The following MBIP variants were observed in gnomAD, a reference collection of about 807,000 sequenced individuals.
The protein encoded by MBIP is MAP3K12-binding inhibitory protein 1.
MBIP carries 32 observed loss-of-function variants against 45.7 expected under a neutral mutation model. The ratio of observed to expected loss-of-function variants is 0.70; its 90% CI spans 0.53 to 0.94. The LOEUF (loss-of-function observed/expected upper bound fraction) is 0.94. Among genes scored for constraint, MBIP ranks in the 40% least tolerant of loss-of-function variants. The pLI is 0.00. For missense variants in MBIP, 381 were observed against 405.5 expected, an observed-to-expected ratio of 0.94 and a Z score of 0.52; for synonymous variants, 145 against 141.0, an observed-to-expected ratio of 1.03 and a Z score of -0.20.
rs1423768503 is a variant in MBIP, at chr14:36,298,893, A to G, written c.*190T>C. On this transcript the variant is annotated 3_prime_UTR_variant, in exon 9 of 9. Transcript: ENST00000416007. Reference sequence around the variant, plus strand: ...AATAAATTCCAACAATGCTATTTTCAATGCATTCATTATTTCAAAACTTAC... The same window carrying G: ...AATAAATTCCAACAATGCTATTTTCGATGCATTCATTATTTCAAAACTTAC... 4.5e-6 allele frequency: 2 copies of G among 441,322 alleles called. No individual in the cohort carries two copies. Among genetic ancestry groups the G allele is most frequent in the African/African-American group, 4.0e-5 (2 of 49,550 alleles). The allele number at this position is 441,322 out of a possible 1,614,324, so 27.3% of individuals were successfully genotyped here.
At chr14:36,302,645 T>A (rs987188583) in intron 7 of MBIP, among the ~76,000 whole-genome samples, 1 of 152,104 alleles carries the variant, frequency 6.6e-6, no homozygotes, top group Admixed American at 6.6e-5. Context: ...AATAAGGTCA[T>A]CAGTCGCTCA....
chr14:36,310,849 A>G (rs966558265), intron 6 of MBIP, among the ~76,000 whole-genome samples: 15 of 152,182 alleles, frequency 9.9e-5, no homozygotes, highest in African/African-American at 3.6e-4. Context: ...TGTGGACAAT[A>G]CTATTTAAAA....
intron 2 of MBIP, 112 bp from the exon 3 acceptor site, chr14:36,315,027 AATAAAT>A (rs1880483606): frequency 3.0e-6 from 2 of 670,604 alleles, no homozygotes; most frequent in African/African-American, 1.8e-5. Context: ...AATATCAGTT[AATAAAT>A]ATAAAAAGTT....
intron 1 of MBIP, among the ~76,000 whole-genome samples, chr14:36,318,491 G>A (rs1415311105): frequency 6.6e-6 from 1 of 151,836 alleles, no homozygotes; most frequent in East Asian, 1.9e-4. Context: ...TTGCCCTACA[G>A]AACTTGGAAG....
Position 36,311,666 on chromosome 14 carries a change from C to A in MBIP, c.697G>T (p.Gly233Cys). 6.2e-7 allele frequency: 1 copy of A among 1,613,524 alleles called. No homozygotes were observed. The highest frequency in any genetic ancestry group is 8.5e-7 in the Non-Finnish European group (1 of 1,179,596). The change falls in exon 6 of 9, where the codon GGT becomes TGT. Residue 233 changes from glycine to cysteine, a missense_variant. By Grantham distance (159) the Gly-to-Cys change is radical. Coordinates refer to ENST00000416007, the MANE Select transcript of MBIP (RefSeq NM_016586.3). ...CGAAGCATGCTGTTAGGTTTATGAC[C>A]TGACCCTGGAATTCCTTCAGGTCTA... ...QTRPEGIPGS[G>C]HKPNSMLRDC...
chr14:36,308,232 C>G, intron 6 of MBIP, 43 bp from the exon 7 acceptor site: 1 of 958,314 alleles, frequency 1.0e-6, no homozygotes, highest in Non-Finnish European at 1.6e-6. Flanking sequence ...TTGAATAATT[C>G]TTTCTTTTCA....
Position 36,320,605 on chromosome 14 carries a change from G to T in MBIP, c.-17C>A, listed in dbSNP as rs944435215. ...AGCAGCCATGATATCTTCTCAGGCC[G>T]CCCCACCACCACCACCACCAAGATT... On this transcript the variant is annotated 5_prime_UTR_variant, in exon 1 of 9. Transcript: ENST00000416007. The T allele has an allele frequency of 1.9e-6, 3 of 1,585,572 alleles. No homozygotes were observed. The highest frequency in any genetic ancestry group is 3.5e-5 in the Admixed American group (2 of 57,354).
chr14:36,308,410 A>G (rs909567133), intron 6 of MBIP, among the ~76,000 whole-genome samples: 2 of 152,210 alleles, frequency 1.3e-5, no homozygotes, highest in African/African-American at 4.8e-5. Context: ...AACCCCATTT[A>G]TGCTTCCTAT....
chr14:36,305,147 A>G (rs778392932), intron 7 of MBIP: 5 of 152,302 alleles, frequency 3.3e-5, no homozygotes, highest in Admixed American at 6.5e-5. Flanking sequence ...TGTCCTCTGT[A>G]AGGTATGTGC....
chr14:36,299,857 T>A (rs1443654818), intron 8 of MBIP, among the ~76,000 whole-genome samples: 1 of 152,172 alleles, frequency 6.6e-6, no homozygotes, highest in African/African-American at 2.4e-5. Flanking sequence ...CCCTCACTTA[T>A]ATATTAATAT....
chr14:36,311,459 C>T (rs1880199778), intron 6 of MBIP, 114 bp downstream of exon 6: 8 of 934,828 alleles, frequency 8.6e-6, no homozygotes, highest in Non-Finnish European at 1.3e-5. Flanking sequence ...GTGACTGGCA[C>T]TTACTGTTCA....
intron 8 of MBIP, among the ~76,000 whole-genome samples, chr14:36,300,554 T>C (rs1879480017): frequency 6.6e-6 from 1 of 152,240 alleles, no homozygotes; most frequent in Non-Finnish European, 1.5e-5. Flanking sequence ...CACATCCTTG[T>C]ACTACTAAAA....
intron 6 of MBIP, 56 bp from the exon 7 acceptor site, chr14:36,308,245 A>T (rs1375400934): frequency 1.2e-6 from 1 of 858,964 alleles, no homozygotes; most frequent in African/African-American, 1.7e-5. Context: ...TCTTTTCACA[A>T]TTTTTATTCT....
chr14:36,314,301 C>T (rs1298598028), intron 4 of MBIP: 5 of 453,504 alleles, frequency 1.1e-5, no homozygotes, highest in Non-Finnish European at 1.6e-5. Flanking sequence ...TTAATGTTAG[C>T]ATTTACTTTG....
chr14:36,306,663 C>G (rs1879898854), intron 7 of MBIP, among the ~76,000 whole-genome samples: 3 of 152,140 alleles, frequency 2.0e-5, no homozygotes, highest in Non-Finnish European at 2.9e-5. Flanking sequence ...TTACCATACT[C>G]TATTGTAAGA....
Position 36,320,559 on chromosome 14 carries a change from C to T in MBIP, c.30G>A (p.Pro10=), listed in dbSNP as rs1213338767. 2.5e-6 allele frequency: 4 copies of T among 1,613,164 alleles called. No individual in the cohort carries two copies. Among genetic ancestry groups the T allele is most frequent in the African/African-American group, 2.7e-5 (2 of 74,910 alleles). The change falls in exon 1 of 9, where the codon CCG becomes CCA. Residue 10 remains proline (P), a synonymous_variant. Coordinates refer to ENST00000416007, the MANE Select transcript of MBIP (RefSeq NM_016586.3). ...GCTCCAGGTTCCTGTCACCGCTGCT[C>T]GGGCGATTAAGCTCCGTGGCAGCAG... is the stretch of plus-strand genomic sequence containing the variant. MAAATELNR[P]SSGDRNLERR...
chr14:36,316,693 C>T lies in MBIP; in HGVS notation c.249G>A (p.Gln83=). ...TTATCATTTCTAACAAGAAATTTAC[C>T]TGTAAATATAAAATGTGTTGTTCAA... ...SALEQHILYL[Q]PFLAKLQSPI... The change falls in exon 2 of 9, where the codon CAG becomes CAA. Residue 83 remains glutamine (Q), a splice_region_variant and synonymous_variant. Transcript: ENST00000416007. 6.3e-7 allele frequency: 1 copy of T among 1,595,348 alleles called. No individual in the cohort carries two copies. Among genetic ancestry groups the T allele is most frequent in the Non-Finnish European group, 8.5e-7 (1 of 1,173,204 alleles).
chr14:36,312,475 A>G (rs528690005), intron 4 of MBIP, among the ~76,000 whole-genome samples: 34 of 152,272 alleles, frequency 2.2e-4, no homozygotes, highest in African/African-American at 7.9e-4. Flanking sequence ...TAACATTTTT[A>G]TTTCAGAACT....
Position 36,314,717 on chromosome 14 carries a change from C to G in MBIP, c.448G>C (p.Val150Leu), listed in dbSNP as rs765773562. The stretch of plus-strand genomic sequence containing the variant: ...TCTGCTTTTCCAGCCTTTATCTGAA[C>G]TACTTCTGGATCAAAATGGATCTGT... The part of the protein sequence containing the change: ...KTQIHFDPEV[V>L]QIKAGKAEID... The change falls in exon 3 of 9, where the codon GTT (valine) becomes CTT (leucine). Residue 150 changes from valine (V) to leucine (L), a missense_variant. Physicochemically the swap from Val to Leu is conservative, Grantham distance 32. Coordinates refer to ENST00000416007, the MANE Select transcript of MBIP (RefSeq NM_016586.3). The G allele has an allele frequency of 3.7e-6, 6 of 1,613,550 alleles. No homozygotes were observed. Among genetic ancestry groups the G allele is most frequent in the Non-Finnish European group, 5.1e-6 (6 of 1,179,674 alleles).
Sources: allele counts gnomAD v4.1 joint callset (sites outside exome capture counted in the v4.1 genomes callset), GRCh38; gene constraint gnomAD v4.1.1; transcripts MANE v1.5; gene names NCBI Gene and HGNC (gene_info 2026-07-23, HGNC 2026-07-21).